The following THSD7A variants were observed in gnomAD, a reference collection of about 807,000 sequenced individuals.
THSD7A encodes the protein thrombospondin type-1 domain-containing protein 7A.
Under a neutral mutation model 231.3 loss-of-function variants are expected in THSD7A, and 96 were observed. The ratio of observed to expected loss-of-function variants is 0.41; its 90% CI spans 0.35 to 0.49. THSD7A has a LOEUF of 0.49. Among genes scored for constraint, THSD7A ranks in the 20% least tolerant of loss-of-function variants. THSD7A has a pLI of 0.05. For synonymous variants in THSD7A, 940 were observed against 743.3 expected, an observed-to-expected ratio of 1.26 and a Z score of -4.30; for missense variants, 2,290 against 2,070.2, an observed-to-expected ratio of 1.11 and a Z score of -2.06.
rs569338564 is a variant in THSD7A at position 11,417,260 on chromosome 7, GA to G, written c.3537+189del. 7.4e-3 allele frequency among the ~76,000 whole-genome samples: 1,123 copies of G among 152,230 alleles called. 14 individuals are homozygous for G. The highest frequency in any genetic ancestry group is 0.026 in the African/African-American group (1,075 of 41,542). ...AGGTGGAGCTGTTCTAGTGTGAGAG[GA>G]AACATTACAGACTTTAAATAGCACA... On this transcript the variant is annotated intron_variant, in intron 17 of 27. Coordinates refer to ENST00000423059, the MANE Select transcript of THSD7A (RefSeq NM_015204.3).
At position 11,421,547 on chromosome 7, in the gene THSD7A, C is replaced by T; in HGVS notation, c.3383+3149G>A. 1.3e-5 allele frequency among the ~76,000 whole-genome samples: 2 copies of T among 152,144 alleles called. 1 individual carries two copies. Among genetic ancestry groups the T allele is most frequent in the South Asian group, 4.1e-4 (2 of 4,834 alleles). On this transcript the variant is annotated intron_variant, in intron 16 of 27. Coordinates refer to ENST00000423059, the MANE Select transcript of THSD7A (RefSeq NM_015204.3). ...ACTATGAGAAAAGATTAATACATCT[C>T]TCTTCCTTTTATTTTTTTGTTTTAC...
intron 6 of THSD7A, among the ~76,000 whole-genome samples, chr7:11,511,274 A>C (rs1480316764): frequency 6.6e-6 from 1 of 152,154 alleles, no homozygotes; most frequent in East Asian, 1.9e-4. Context: ...CTGCTCAACG[A>C]AATAAAAGAG....
intron 23 of THSD7A, among the ~76,000 whole-genome samples, chr7:11,396,956 G>A (rs1329589283): frequency 1.3e-5 from 2 of 152,146 alleles, no homozygotes; most frequent in Non-Finnish European, 2.9e-5. Flanking sequence ...CTTCATCCCT[G>A]GGATGCAAGG....
chr7:11,566,152 G>GA, intron 4 of THSD7A, among the ~76,000 whole-genome samples: 1 of 151,202 alleles, frequency 6.6e-6, no homozygotes, highest in Non-Finnish European at 1.5e-5. Context: ...ATTGCCCACA[G>GA]AAAAATATCA....
At chr7:11,667,736 T>C (rs1389344953) in intron 1 of THSD7A, among the ~76,000 whole-genome samples, 1 of 152,164 alleles carries the variant, frequency 6.6e-6, no homozygotes, top group African/African-American at 2.4e-5. Flanking sequence ...AATTGAGAGT[T>C]ACGTATGATT....
At chr7:11,433,880 C>T (rs1367926472) in intron 13 of THSD7A, among the ~76,000 whole-genome samples, 1 of 151,948 alleles carries the variant, frequency 6.6e-6, no homozygotes, top group Admixed American at 6.6e-5. Flanking sequence ...ATAGCATATT[C>T]CAGAAAACAT....
chr7:11,596,524 G>A (rs1187096476), intron 2 of THSD7A, among the ~76,000 whole-genome samples: 1 of 152,146 alleles, frequency 6.6e-6, no homozygotes, highest in Non-Finnish European at 1.5e-5. Context: ...GACTGGTAGG[G>A]TGAGGGCTAT....
Position 11,428,933 on chromosome 7 carries a change from A to G in THSD7A, c.3243+14T>C, listed in dbSNP as rs372613998. ...TCTCAACAATATCTTAACACTGTCA[A>G]TGATAGAAAATACCTGGTTGACATG... On this transcript the variant is annotated intron_variant, in intron 14 of 27. Transcript: ENST00000423059. The G allele has an allele frequency of 3.3e-5, 53 of 1,598,526 alleles. No individual in the cohort carries two copies. The Middle Eastern group carries it at 6.6e-4, about 20-fold the overall frequency.
chr7:11,500,889 G>A (rs752360280), intron 6 of THSD7A, among the ~76,000 whole-genome samples: 7 of 150,038 alleles, frequency 4.7e-5, no homozygotes, highest in East Asian at 2.0e-4. Context: ...AGCTGAGATC[G>A]CACCACTGCA....
chr7:11,626,548 A>T (rs1176966447), intron 2 of THSD7A, among the ~76,000 whole-genome samples: 1 of 152,158 alleles, frequency 6.6e-6, no homozygotes, highest in Non-Finnish European at 1.5e-5. Context: ...GGTCACTTTA[A>T]TATTTTTGAA....
chr7:11,683,120 C>CA (rs71027424), intron 1 of THSD7A, among the ~76,000 whole-genome samples: 1,567 of 99,468 alleles, frequency 0.016, 15 homozygotes, highest in African/African-American at 0.022. Context: ...GACTCCATCT[C>CA]AAAAAAAAAA....
chr7:11,737,548 G>T (rs1384403308), intron 1 of THSD7A, among the ~76,000 whole-genome samples: 1 of 151,960 alleles, frequency 6.6e-6, no homozygotes, highest in Non-Finnish European at 1.5e-5. Flanking sequence ...GTGCAAAGGT[G>T]CCATTTTATG....
chr7:11,452,532 A>G (rs1304641559), intron 11 of THSD7A, among the ~76,000 whole-genome samples: 1 of 151,972 alleles, frequency 6.6e-6, no homozygotes, highest in Non-Finnish European at 1.5e-5. Flanking sequence ...TGATGCTTAT[A>G]ATATATGTGA....
intron 4 of THSD7A, among the ~76,000 whole-genome samples, chr7:11,546,204 T>TGCGCGCACACACACACACACACA (rs1562706169): frequency 1.4e-5 from 2 of 140,266 alleles, no homozygotes; most frequent in Non-Finnish European, 3.1e-5. Flanking sequence ...GGGCGCGCGC[T>TGCGCGCACACACACACACACACA]CACACACACA....
intron 1 of THSD7A, chr7:11,821,286 A>G (rs1784865591): frequency 1.1e-6 from 1 of 939,928 alleles, no homozygotes; most frequent in Non-Finnish European, 1.8e-6. Flanking sequence ...GGAAAATGGA[A>G]CGAAACTCCT....
intron 2 of THSD7A, among the ~76,000 whole-genome samples, chr7:11,599,702 T>C (rs1780485445): frequency 6.6e-6 from 1 of 152,102 alleles, no homozygotes; most frequent in Admixed American, 6.5e-5. Context: ...TCCGGAGATG[T>C]GTATGGGTTC....
chr7:11,656,594 C>T (rs996867546), intron 1 of THSD7A, among the ~76,000 whole-genome samples: 1 of 151,800 alleles, frequency 6.6e-6, no homozygotes, highest in East Asian at 1.9e-4. Flanking sequence ...TTTTAAAAAC[C>T]AGGCTTTAAA....
rs1395250603 is a variant in THSD7A, at chr7:11,541,615, C to A, written c.1626G>T (p.Lys542Asn). 1 of 1,613,826 alleles carries A rather than the reference C, an allele frequency of 6.2e-7. No individual in the cohort carries two copies. Among genetic ancestry groups the A allele is most frequent in the Non-Finnish European group, 8.5e-7 (1 of 1,179,806 alleles). Reference protein sequence around the residue: ...QQGKKGFKLRKRRITNEPTGG... With the variant: ...QQGKKGFKLRNRRITNEPTGG... ...CAGTGGGCTCATTGGTAATGCGCCG[C>A]TTCCTCAGTTTGAAGCCTGAATTAT... Residue 542 changes from lysine to asparagine, a missense_variant, in exon 6 of 28, where the codon AAG becomes AAT. Coordinates refer to ENST00000423059, the MANE Select transcript of THSD7A (RefSeq NM_015204.3).
intron 23 of THSD7A, among the ~76,000 whole-genome samples, chr7:11,400,783 C>A (rs927282545): frequency 6.6e-6 from 1 of 152,170 alleles, no homozygotes; most frequent in Non-Finnish European, 1.5e-5. Context: ...TTGTCTCCTA[C>A]TTTTCAGTAA....
Sources: allele counts gnomAD v4.1 joint callset (sites outside exome capture counted in the v4.1 genomes callset), GRCh38; gene constraint gnomAD v4.1.1; transcripts MANE v1.5; gene names NCBI Gene and HGNC (gene_info 2026-07-23, HGNC 2026-07-21).